PRKCA: variants seen among roughly 807,000 people sequenced by gnomAD.
PRKCA encodes protein kinase C alpha.
In PRKCA, 27 loss-of-function variants were observed where a neutral mutation model predicts 87.0. That is an observed-to-expected ratio of 0.31 (90% CI 0.23 to 0.43). The LOEUF (loss-of-function observed/expected upper bound fraction) is 0.43, where lower values mean the gene tolerates loss of function less well. Among genes scored for constraint, PRKCA ranks in the 20% least tolerant of loss-of-function variants. PRKCA has a pLI of 1.00. For synonymous variants in PRKCA, 329 were observed against 311.1 expected (o/e 1.06, Z -0.61); for missense variants, 518 against 852.3 (o/e 0.61, Z 4.88).
intron 3 of PRKCA, among the ~76,000 whole-genome samples, chr17:66,572,530 A>C (rs1249311402): frequency 6.6e-6 from 1 of 152,166 alleles, no homozygotes; most frequent in Non-Finnish European, 1.5e-5. Flanking sequence ...CCACCTTTCC[A>C]GAAATGTTCC....
intron 3 of PRKCA, chr17:66,554,682 C>T (rs1485294134): frequency 1.3e-5 from 4 of 317,376 alleles, no homozygotes; most frequent in African/African-American, 2.3e-5. Flanking sequence ...TTATGACATC[C>T]ACTGCCCCAT....
At chr17:66,416,142 A>G (rs1598654009) in intron 2 of PRKCA, 1 of 152,212 alleles carries the variant, frequency 6.6e-6, no homozygotes, top group African/African-American at 2.4e-5. Context: ...GTCTACCATC[A>G]TGAAAGAGCC....
At chr17:66,538,304 A>G (rs562437579) in intron 3 of PRKCA, among the ~76,000 whole-genome samples, 1 of 152,252 alleles carries the variant, frequency 6.6e-6, no homozygotes, top group Admixed American at 6.5e-5. Context: ...GAGACTAGCA[A>G]CCTGCCACCC....
chr17:66,662,742 T>C (rs1971941742), intron 5 of PRKCA, among the ~76,000 whole-genome samples: 1 of 151,890 alleles, frequency 6.6e-6, no homozygotes, highest in Admixed American at 6.6e-5. Context: ...CTGTAATTAA[T>C]GTTTATCTTC....
intron 2 of PRKCA, among the ~76,000 whole-genome samples, chr17:66,457,993 A>G (rs1181807025): frequency 1.3e-5 from 2 of 152,096 alleles, no homozygotes; most frequent in African/African-American, 4.8e-5. Flanking sequence ...CTCTTTTTGT[A>G]TATCAGAATC....
intron 8 of PRKCA, among the ~76,000 whole-genome samples, chr17:66,710,968 G>A (rs554311723): frequency 1.8e-4 from 28 of 152,126 alleles, no homozygotes; most frequent in African/African-American, 5.1e-4. Context: ...ACTTGAACCC[G>A]GGAGGCGGAG....
chr17:66,373,648 A>G (rs182348787), intron 2 of PRKCA, among the ~76,000 whole-genome samples: 2 of 152,330 alleles, frequency 1.3e-5, no homozygotes, highest in East Asian at 3.9e-4. Context: ...TCCTAAATGT[A>G]GAAAGTTGGT....
At position 66,726,008 on chromosome 17, in the gene PRKCA, G is replaced by A. The variant is rs115470695; in HGVS notation, c.919-6680G>A. Among the ~76,000 whole-genome samples, 801 of 152,106 alleles carry A rather than the reference G, an allele frequency of 5.3e-3. 9 individuals carry two copies. Among genetic ancestry groups the A allele is most frequent in the African/African-American group, 0.018 (757 of 41,486 alleles). On this transcript the variant is annotated intron_variant, in intron 8 of 16. Transcript: ENST00000413366. Reference sequence around the variant, plus strand: ...TGACCACTGTGGGCAGCTGGAGCTCGGTCTTCTTGTGAGCTGGAAGAACAT... The same window carrying A: ...TGACCACTGTGGGCAGCTGGAGCTCAGTCTTCTTGTGAGCTGGAAGAACAT...
intron 3 of PRKCA, among the ~76,000 whole-genome samples, chr17:66,632,482 C>G (rs900466329): frequency 6.6e-6 from 1 of 152,212 alleles, no homozygotes; most frequent in Non-Finnish European, 1.5e-5. Context: ...TGGGCTCAAG[C>G]AGTCCTCCCA....
rs7213411 is a variant in PRKCA at position 66,308,103 on chromosome 17, C to T, written c.205+1976C>T. 4.3e-3 allele frequency among the ~76,000 whole-genome samples: 662 copies of T among 152,200 alleles called. 5 individuals carry two copies. The highest frequency in any genetic ancestry group is 0.014 in the African/African-American group (602 of 41,542). ...CTCTATCAAGGGGTATTTTGTAATTCGTTCTTACTAGTACAAATACCTTTG... is the reference window on the plus strand; with the variant it reads ...CTCTATCAAGGGGTATTTTGTAATTTGTTCTTACTAGTACAAATACCTTTG... On this transcript the variant is annotated intron_variant, in intron 2 of 16. Coordinates refer to ENST00000413366, the MANE Select transcript of PRKCA (RefSeq NM_002737.3).
chr17:66,570,066 G>A (rs1969029732), intron 3 of PRKCA, among the ~76,000 whole-genome samples: 1 of 152,102 alleles, frequency 6.6e-6, no homozygotes, highest in Non-Finnish European at 1.5e-5. Context: ...AGCCCTGAAT[G>A]AAAAACCTGT....
intron 2 of PRKCA, among the ~76,000 whole-genome samples, chr17:66,408,763 G>T (rs922733887): frequency 1.3e-5 from 2 of 151,974 alleles, no homozygotes; most frequent in South Asian, 4.2e-4. Flanking sequence ...GATTGAAATG[G>T]TGGTTGTCGG....
chr17:66,338,541 A>G (rs918563525), intron 2 of PRKCA, among the ~76,000 whole-genome samples: 1 of 152,136 alleles, frequency 6.6e-6, no homozygotes, highest in African/African-American at 2.4e-5. Context: ...CAACTCTTCA[A>G]TAAAGCAAAT....
intron 3 of PRKCA, among the ~76,000 whole-genome samples, chr17:66,578,726 T>A (rs1969320309): frequency 6.6e-6 from 1 of 152,182 alleles, no homozygotes; most frequent in Non-Finnish European, 1.5e-5. Context: ...CACCTCTGCA[T>A]CCTGGGCCTG....
At chr17:66,505,728 G>A (rs1360120968) in intron 3 of PRKCA, among the ~76,000 whole-genome samples, 1 of 152,166 alleles carries the variant, frequency 6.6e-6, no homozygotes, top group Non-Finnish European at 1.5e-5. Context: ...GAGTGATTTT[G>A]TTGTGAAACT....
At chr17:66,666,916 C>T (rs906293172) in intron 5 of PRKCA, among the ~76,000 whole-genome samples, 4 of 152,018 alleles carry the variant, frequency 2.6e-5, no homozygotes, top group South Asian at 2.1e-4. Context: ...AGACTAGTAA[C>T]GTAGACTTTG....
intron 2 of PRKCA, among the ~76,000 whole-genome samples, chr17:66,372,112 C>A (rs1909148401): frequency 6.6e-6 from 1 of 152,106 alleles, no homozygotes; most frequent in Non-Finnish European, 1.5e-5. Flanking sequence ...GTATATGAGT[C>A]TCGTGGGGAC....
At position 66,528,747 on chromosome 17, in the gene PRKCA, T is replaced by A. The variant is rs189172225; in HGVS notation, c.288+32464T>A. On this transcript the variant is annotated intron_variant, in intron 3 of 16. Coordinates refer to ENST00000413366, the MANE Select transcript of PRKCA (RefSeq NM_002737.3). ...TTGTGGTATTATGTTACAGCAGCAA[T>A]GAAAAACTAATATGGCACATAAGAC... Among the ~76,000 whole-genome samples, 79 of 152,316 alleles carry A rather than the reference T, an allele frequency of 5.2e-4. No homozygotes were observed. The East Asian group carries it at 0.014, about 27-fold the overall frequency.
rs1976023312 is a variant in PRKCA at position 66,805,951 on chromosome 17, A to T, written c.*1914A>T. 5.3e-5 allele frequency: 8 copies of T among 152,240 alleles called. No individual in the cohort carries two copies. 9.4% of individuals were successfully genotyped at this position (152,240 alleles called of 1,614,324 possible). A position where few individuals can be genotyped will look rare whatever the true frequency, so the allele number is the denominator to read the frequency against. On this transcript the variant is annotated 3_prime_UTR_variant, in exon 17 of 17. Transcript: ENST00000413366. ...GCAACGACCTGTCGTTTGCTCCAGC[A>T]TGCACAAACTTCGTGAGACCAACAC...
Sources: allele counts gnomAD v4.1 joint callset (sites outside exome capture counted in the v4.1 genomes callset), GRCh38; gene constraint gnomAD v4.1.1; transcripts MANE v1.5; gene names NCBI Gene and HGNC (gene_info 2026-07-23, HGNC 2026-07-21).